STIM2: variants seen among roughly 807,000 people sequenced by gnomAD.
The protein encoded by STIM2 is stromal interaction molecule 2.
STIM2 carries 31 observed loss-of-function variants against 85.8 expected under a neutral mutation model. That is an observed-to-expected ratio of 0.36 (90% confidence interval 0.27 to 0.49). The LOEUF (loss-of-function observed/expected upper bound fraction) is 0.49. Among genes scored for constraint, STIM2 ranks in the 20% least tolerant of loss-of-function variants. STIM2 has a pLI of 0.98. For synonymous variants in STIM2, 356 were observed against 331.1 expected, an observed-to-expected ratio of 1.08 and a Z score of -0.82; for missense variants, 841 against 927.6, an observed-to-expected ratio of 0.91 and a Z score of 1.21.
chr4:26,892,198 C>T (rs975797397), intron 1 of STIM2, among the ~76,000 whole-genome samples: 7 of 152,266 alleles, frequency 4.6e-5, no homozygotes, highest in South Asian at 4.1e-4. Context: ...TTATCAGCAG[C>T]GTGAAAATGA....
chr4:26,927,680 T>A (rs199663420), intron 2 of STIM2, among the ~76,000 whole-genome samples: 1,777 of 23,388 alleles, frequency 0.076, no homozygotes, highest in Middle Eastern at 0.25. Flanking sequence ...TAGAGTATAA[T>A]AAAAAAAAAA....
chr4:26,952,540 C>T (rs1174707033), intron 2 of STIM2, among the ~76,000 whole-genome samples: 1 of 151,954 alleles, frequency 6.6e-6, no homozygotes, highest in Non-Finnish European at 1.5e-5. Context: ...ATCCTCATAA[C>T]CCTTTGAAGG....
chr4:26,944,962 GTACAT>G, intron 2 of STIM2, among the ~76,000 whole-genome samples: 1 of 152,160 alleles, frequency 6.6e-6, no homozygotes, highest in African/African-American at 2.4e-5. Context: ...AAGTTCAGGA[GTACAT>G]GTGCAGGATG....
chr4:26,866,532 G>A (rs1410631983), intron 1 of STIM2, among the ~76,000 whole-genome samples: 1 of 152,132 alleles, frequency 6.6e-6, no homozygotes, highest in Admixed American at 6.5e-5. Flanking sequence ...AAGTGAAAAG[G>A]CTTTCTGGGA....
At chr4:26,978,643 G>A (rs1239713009) in intron 3 of STIM2, among the ~76,000 whole-genome samples, 2 of 152,140 alleles carry the variant, frequency 1.3e-5, no homozygotes, top group Non-Finnish European at 2.9e-5. Context: ...ACTGGCTTAG[G>A]TCTTGTGGCC....
intron 3 of STIM2, among the ~76,000 whole-genome samples, chr4:26,965,270 G>A (rs890162745): frequency 1.3e-5 from 2 of 152,114 alleles, no homozygotes; most frequent in African/African-American, 4.8e-5. Context: ...TTTCTTCTGT[G>A]AAGAGAATAG....
intron 1 of STIM2, among the ~76,000 whole-genome samples, chr4:26,889,843 C>T (rs1373307772): frequency 6.6e-6 from 1 of 152,212 alleles, no homozygotes; most frequent in Non-Finnish European, 1.5e-5. Context: ...GCTGAGGTCA[C>T]CTTTTGGTCA....
intron 1 of STIM2, among the ~76,000 whole-genome samples, chr4:26,875,055 G>A (rs935197509): frequency 6.6e-6 from 1 of 152,076 alleles, no homozygotes; most frequent in Non-Finnish European, 1.5e-5. Context: ...ATGGCATATT[G>A]GTTTTATTGA....
intron 2 of STIM2, among the ~76,000 whole-genome samples, chr4:26,947,042 A>C (rs192136789): frequency 6.6e-6 from 1 of 152,306 alleles, no homozygotes; most frequent in African/African-American, 2.4e-5. Context: ...ATAAGTGAGG[A>C]GCTAAATGGT....
chr4:26,901,898 A>C (rs1351430524), intron 1 of STIM2, among the ~76,000 whole-genome samples: 7 of 152,174 alleles, frequency 4.6e-5, no homozygotes, highest in African/African-American at 1.7e-4. Flanking sequence ...TTGCAACTAT[A>C]ATAGTTATGC....
intron 2 of STIM2, among the ~76,000 whole-genome samples, chr4:26,922,908 A>G (rs1194975165): frequency 6.6e-6 from 1 of 152,170 alleles, no homozygotes; most frequent in African/African-American, 2.4e-5. Flanking sequence ...CCTAGGACAA[A>G]GACCAAATAT....
intron 1 of STIM2, chr4:26,874,069 C>T: frequency 1.6e-6 from 1 of 639,324 alleles, no homozygotes. Context: ...GACTTGGCAC[C>T]TGAGGTACTC....
intron 2 of STIM2, among the ~76,000 whole-genome samples, chr4:26,940,127 C>T (rs1051934221): frequency 6.6e-6 from 1 of 152,128 alleles, no homozygotes; most frequent in Non-Finnish European, 1.5e-5. Context: ...TAAAGCAAGC[C>T]CCTTGAGTGC....
In STIM2 at chr4:27,022,854, C is replaced by T. The variant is rs1182508753; in HGVS notation, c.2099C>T (p.Ser700Leu). Residue 700 changes from serine (S) to leucine (L), a missense_variant, in exon 12 of 12, where the codon TCA becomes TTA. By Grantham distance (145) the Ser-to-Leu change is moderately radical (BLOSUM62 -2). Around this residue, in one of 3 missense-constraint regions of STIM2, gnomAD observed 293 missense variants for 284.5 expected, o/e 1.03. Coordinates refer to ENST00000467087, the MANE Select transcript of STIM2 (RefSeq NM_020860.4). ...AAACCTCGCCACACATCATGTTCCT[C>T]AGCTGGCAACGACAGTAAACCAGTT... 3.1e-6 allele frequency: 5 copies of T among 1,614,114 alleles called. No homozygotes were observed. The highest frequency in any genetic ancestry group is 1.3e-5 in the African/African-American group (1 of 74,944).
At chr4:26,908,204 TC>T (rs1267096421) in intron 1 of STIM2, among the ~76,000 whole-genome samples, 1 of 152,222 alleles carries the variant, frequency 6.6e-6, no homozygotes, top group Non-Finnish European at 1.5e-5. Context: ...CTTTTAGAGT[TC>T]CTGTTTTGGA....
intron 3 of STIM2, among the ~76,000 whole-genome samples, chr4:26,973,815 T>G (rs1034558216): frequency 6.6e-6 from 1 of 152,222 alleles, no homozygotes; most frequent in African/African-American, 2.4e-5. Context: ...GTCTTGTTGA[T>G]CTGTCTGATA....
intron 2 of STIM2, among the ~76,000 whole-genome samples, chr4:26,921,602 C>A (rs1294472177): frequency 6.6e-6 from 1 of 152,204 alleles, no homozygotes; most frequent in Admixed American, 6.5e-5. Flanking sequence ...AGTTTGCCAA[C>A]CCCTGCTGTA....
intron 1 of STIM2, among the ~76,000 whole-genome samples, chr4:26,889,725 C>G (rs578063845): frequency 3.3e-5 from 5 of 152,274 alleles, no homozygotes; most frequent in African/African-American, 1.2e-4. Context: ...AGCCACCTTC[C>G]TCCTTCCTAT....
At chr4:27,000,556 G>A (rs1252382981) in intron 5 of STIM2, among the ~76,000 whole-genome samples, 1 of 152,010 alleles carries the variant, frequency 6.6e-6, no homozygotes, top group Non-Finnish European at 1.5e-5. Flanking sequence ...ACTTGATCAG[G>A]AATACTCATA....
Sources: gnomAD v4.1 joint callset for allele counts (sites outside exome capture counted in the v4.1 genomes callset) on GRCh38, gnomAD v4.1.1 for gene constraint, gnomAD v4.1.1 regional missense constraint, MANE v1.5 for transcripts, NCBI Gene and HGNC (gene_info 2026-07-23, HGNC 2026-07-21) for gene names.